The following HHAT variants were observed in gnomAD, a reference collection of about 807,000 sequenced individuals.
The protein encoded by HHAT is protein-cysteine N-palmitoyltransferase HHAT.
In HHAT, 47 loss-of-function variants were observed where a neutral mutation model predicts 70.8. That is an observed-to-expected ratio of 0.66 (90% CI 0.53 to 0.85). The LOEUF (loss-of-function observed/expected upper bound fraction) is 0.85. Among genes scored for constraint, HHAT ranks in the 40% least tolerant of loss-of-function variants. HHAT has a pLI of 0.00. For synonymous variants in HHAT, 228 were observed against 247.6 expected (o/e 0.92, Z 0.74); for missense variants, 609 against 604.8 (o/e 1.01, Z -0.07).
At position 210,623,622 on chromosome 1, in the gene HHAT, G is replaced by A. The variant is rs1288194139; in HGVS notation, c.1342G>A (p.Gly448Arg). ...MLILSNLVFLGGNEVGKTYWN... is the reference protein window; with the variant it reads ...MLILSNLVFLRGNEVGKTYWN... The stretch of plus-strand genomic sequence containing the variant: ...GATCCTGTCCAACCTGGTATTTCTT[G>A]GGGGCAATGAGGTTGGGAAAACCTA... Residue 448 changes from glycine (G) to arginine (R), a missense_variant, in exon 11 of 12, where the codon GGG (glycine) becomes AGG (arginine). Coordinates refer to ENST00000261458, the MANE Select transcript of HHAT (RefSeq NM_018194.6). The A allele has an allele frequency of 6.2e-7, 1 of 1,613,978 alleles. No homozygotes were observed.
At chr1:210,515,800 G>A (rs953287313) in intron 9 of HHAT, among the ~76,000 whole-genome samples, 5 of 151,522 alleles carry the variant, frequency 3.3e-5, no homozygotes, top group African/African-American at 1.2e-4. Flanking sequence ...AGGTGCAGTG[G>A]CTCATGCCTG....
intron 1 of HHAT, among the ~76,000 whole-genome samples, chr1:210,337,478 C>G (rs1386363489): frequency 6.6e-6 from 1 of 152,126 alleles, no homozygotes; most frequent in Non-Finnish European, 1.5e-5. Flanking sequence ...AATGGGTCAG[C>G]AGGGTTCATT....
chr1:210,555,697 T>G (rs2095565780), intron 9 of HHAT, among the ~76,000 whole-genome samples: 1 of 152,228 alleles, frequency 6.6e-6, no homozygotes, highest in South Asian at 2.1e-4. Context: ...AACAAACCAT[T>G]GAATTAATGG....
At chr1:210,655,996 C>T (rs1676319691) in intron 11 of HHAT, among the ~76,000 whole-genome samples, 1 of 152,158 alleles carries the variant, frequency 6.6e-6, no homozygotes, top group Non-Finnish European at 1.5e-5. Flanking sequence ...GGATGCCTTC[C>T]TAACAGCTTC....
At chr1:210,543,999 C>G (rs72749376) in intron 9 of HHAT, among the ~76,000 whole-genome samples, 61 of 152,298 alleles carry the variant, frequency 4.0e-4, no homozygotes, top group Admixed American at 1.0e-3. Context: ...GTTCTCTGCC[C>G]TTGGGTTGCA....
At chr1:210,671,398 G>C (rs1396427183) in intron 11 of HHAT, among the ~76,000 whole-genome samples, 1 of 152,184 alleles carries the variant, frequency 6.6e-6, no homozygotes, top group East Asian at 1.9e-4. Flanking sequence ...CAGCAGGATG[G>C]GTCCATGTGG....
At chr1:210,434,335 A>G (rs1009472940) in intron 7 of HHAT, among the ~76,000 whole-genome samples, 3 of 151,866 alleles carry the variant, frequency 2.0e-5, no homozygotes, top group Non-Finnish European at 4.4e-5. Flanking sequence ...AAAAGCAATC[A>G]GAAACTAGTG....
intron 8 of HHAT, among the ~76,000 whole-genome samples, chr1:210,500,449 A>G (rs146983856): frequency 1.2e-3 from 181 of 152,286 alleles, no homozygotes; most frequent in Non-Finnish European, 2.2e-3. Context: ...CCCAGAAGTC[A>G]ACCCTTAGAA....
At chr1:210,407,435 C>G (rs998056269) in intron 6 of HHAT, among the ~76,000 whole-genome samples, 3 of 152,210 alleles carry the variant, frequency 2.0e-5, no homozygotes, top group Non-Finnish European at 4.4e-5. Context: ...GGAAACCAAC[C>G]CCAGCGGGAA....
rs3835414 is a variant in HHAT, at chr1:210,407,494, GT to G, written c.684+2819del. On this transcript the variant is annotated intron_variant, in intron 6 of 11. Coordinates refer to ENST00000261458, the MANE Select transcript of HHAT (RefSeq NM_018194.6). ...TCCAAAAGATCAAATGACAATGTTA[GT>G]TTTAGGCATACACCTGGAGAATGTG... Among the ~76,000 whole-genome samples, 8 of 152,328 alleles carry G rather than the reference GT, an allele frequency of 5.3e-5. No homozygotes were observed. In the East Asian group the frequency reaches 1.5e-3, roughly 29 times the overall value.
chr1:210,444,700 G>C (rs1479200089), intron 7 of HHAT, among the ~76,000 whole-genome samples: 1 of 152,160 alleles, frequency 6.6e-6, no homozygotes, highest in African/African-American at 2.4e-5. Context: ...TTTAAATAGA[G>C]ACTGGGTGTC....
At chr1:210,526,570 A>G (rs2095253235) in intron 9 of HHAT, among the ~76,000 whole-genome samples, 1 of 152,110 alleles carries the variant, frequency 6.6e-6, no homozygotes, top group Admixed American at 6.5e-5. Context: ...ATTGGATCAG[A>G]TGCAGAAGAC....
intron 6 of HHAT, 139 bp downstream of exon 6, chr1:210,404,818 T>A: frequency 1.6e-6 from 1 of 628,414 alleles, no homozygotes; most frequent in Non-Finnish European, 2.7e-6. Flanking sequence ...TCTCATGAGG[T>A]TTTTTGTAAT....
At chr1:210,479,298 G>A (rs1429903176) in intron 8 of HHAT, among the ~76,000 whole-genome samples, 3 of 152,116 alleles carry the variant, frequency 2.0e-5, no homozygotes, top group South Asian at 2.1e-4. Flanking sequence ...CACCTACTAT[G>A]GGCCAACCAT....
intron 2 of HHAT, among the ~76,000 whole-genome samples, chr1:210,355,919 C>CATT (rs143158046): frequency 6.6e-6 from 1 of 151,916 alleles, no homozygotes; most frequent in Admixed American, 6.6e-5. Context: ...TTTTCTATTT[C>CATT]ATTATTATTA....
chr1:210,618,693 G>A (rs192643803), intron 10 of HHAT, among the ~76,000 whole-genome samples: 101 of 152,240 alleles, frequency 6.6e-4, no homozygotes, highest in African/African-American at 2.2e-3. Context: ...TGTGTCATCT[G>A]CCTCCCTTCC....
At chr1:210,555,187 A>T (rs2095561117) in intron 9 of HHAT, among the ~76,000 whole-genome samples, 1 of 152,166 alleles carries the variant, frequency 6.6e-6, no homozygotes, top group Non-Finnish European at 1.5e-5. Context: ...CAATTTGAAG[A>T]AGCAGAAACA....
intron 10 of HHAT, among the ~76,000 whole-genome samples, chr1:210,603,232 C>T (rs896676539): frequency 7.9e-5 from 12 of 152,114 alleles, no homozygotes; most frequent in African/African-American, 2.7e-4. Context: ...CCTGAGAAAC[C>T]ATAATCTCAG....
chr1:210,450,607 C>CTTT lies in HHAT; in HGVS notation c.857-13885_857-13883dup, dbSNP rs35916715. On this transcript the variant is annotated intron_variant, in intron 7 of 11. Coordinates refer to ENST00000261458, the MANE Select transcript of HHAT (RefSeq NM_018194.6). ...CTTTTATAATTGGTACATTGTAAAT[C>CTTT]TTTTTTTTTTTTTTTACATACCCCA... 3.0e-3 allele frequency among the ~76,000 whole-genome samples: 417 copies of CTTT among 140,896 alleles called. 3 individuals are homozygous for CTTT. Among genetic ancestry groups the CTTT allele is most frequent in the East Asian group, 0.01 (48 of 4,760 alleles). 92.4% of individuals were successfully genotyped at this position (140,896 alleles called of 152,430 possible).
Sources: allele counts gnomAD v4.1 joint callset (sites outside exome capture counted in the v4.1 genomes callset), GRCh38; gene constraint gnomAD v4.1.1; transcripts MANE v1.5; gene names NCBI Gene and HGNC (gene_info 2026-07-23, HGNC 2026-07-21).